The following CACNG7 variants were observed in gnomAD, a reference collection of about 807,000 sequenced individuals.
CACNG7 encodes voltage-dependent calcium channel gamma-7 subunit.
In CACNG7, 9 loss-of-function variants were observed where a neutral mutation model predicts 26.3. That is an observed-to-expected ratio of 0.34 (90% confidence interval 0.21 to 0.60). CACNG7 has a LOEUF of 0.60. CACNG7 is among the 20% of genes least tolerant of loss of function. The pLI is 0.81. For missense variants in CACNG7, 297 were observed against 380.4 expected, an observed-to-expected ratio of 0.78 and a Z score of 1.82; for synonymous variants, 170 against 157.0, an observed-to-expected ratio of 1.08 and a Z score of -0.62.
chr19:53,923,472 C>CT (rs2068984764), intron 4 of CACNG7, among the ~76,000 whole-genome samples: 1 of 135,582 alleles, frequency 7.4e-6, no homozygotes, highest in Non-Finnish European at 1.6e-5. Context: ...GGAGTTGTCC[C>CT]AGGTCTGGTC....
chr19:53,941,710 G>C, intron 5 of CACNG7, 95 bp downstream of exon 5: 1 of 1,412,364 alleles, frequency 7.1e-7, no homozygotes, highest in Non-Finnish European at 9.7e-7. Flanking sequence ...GGCTGGAGAT[G>C]CAGACTCTGG....
At chr19:53,920,125 T>C (rs1350345166) in intron 4 of CACNG7, among the ~76,000 whole-genome samples, 24 of 111,042 alleles carry the variant, frequency 2.2e-4, no homozygotes, top group Admixed American at 5.9e-4. Flanking sequence ...GGCCTGGTCA[T>C]TGGTGGACTT....
At chr19:53,935,111 G>A (rs1291879824) in intron 4 of CACNG7, among the ~76,000 whole-genome samples, 1 of 151,622 alleles carries the variant, frequency 6.6e-6, no homozygotes, top group African/African-American at 2.4e-5. Flanking sequence ...ATGCATATGT[G>A]TGCACAAAAA....
intron 4 of CACNG7, among the ~76,000 whole-genome samples, chr19:53,922,408 A>G (rs1242091045): frequency 3.1e-3 from 304 of 97,054 alleles, no homozygotes; most frequent in African/African-American, 0.014. Flanking sequence ...AGGCCTGGTC[A>G]TTGGTGGAGT....
At chr19:53,926,766 G>A (rs1328221177) in intron 4 of CACNG7, among the ~76,000 whole-genome samples, 1 of 151,808 alleles carries the variant, frequency 6.6e-6, no homozygotes, top group African/African-American at 2.4e-5. Context: ...TAGAAAAATT[G>A]ACTGGGCATG....
intron 4 of CACNG7, among the ~76,000 whole-genome samples, chr19:53,928,833 G>A (rs796740586): frequency 1.3e-5 from 2 of 152,202 alleles, no homozygotes; most frequent in South Asian, 2.1e-4. Context: ...CCTGAAGGCC[G>A]GGCACGGTAG....
At chr19:53,920,065 C>T (rs1470306022) in intron 4 of CACNG7, among the ~76,000 whole-genome samples, 2 of 115,474 alleles carry the variant, frequency 1.7e-5, no homozygotes. Flanking sequence ...TTGCCCCAGG[C>T]TGGTCATTGG....
At chr19:53,921,446 C>CCCCAGGTCTGGTATTGCTGGAGTTGT (rs1599976519) in intron 4 of CACNG7, among the ~76,000 whole-genome samples, 1 of 146,192 alleles carries the variant, frequency 6.8e-6, no homozygotes, top group Non-Finnish European at 1.5e-5. Context: ...GGTGGAGTTG[C>CCCCAGGTCTGGTATTGCTGGAGTTGT]CCCAGGTCTG....
chr19:53,925,961 A>G (rs1305954271), intron 4 of CACNG7, among the ~76,000 whole-genome samples: 1 of 152,184 alleles, frequency 6.6e-6, no homozygotes, highest in Non-Finnish European at 1.5e-5. Context: ...TCCAGGTCAT[A>G]AGAGGCATGT....
At chr19:53,916,299 C>G (rs1189320459) in intron 4 of CACNG7, among the ~76,000 whole-genome samples, 1 of 152,088 alleles carries the variant, frequency 6.6e-6, no homozygotes, top group African/African-American at 2.4e-5. Context: ...CTCCTAACAT[C>G]GCTACCCAGG....
At chr19:53,923,770 G>T (rs1403478491) in intron 4 of CACNG7, among the ~76,000 whole-genome samples, 3 of 131,612 alleles carry the variant, frequency 2.3e-5, no homozygotes, top group Non-Finnish European at 4.7e-5. Flanking sequence ...GTTGCCCCAG[G>T]TCTGGTCATT....
At chr19:53,921,404 G>A (rs548496384) in intron 4 of CACNG7, among the ~76,000 whole-genome samples, 76 of 145,944 alleles carry the variant, frequency 5.2e-4, no homozygotes, top group African/African-American at 1.9e-3. Context: ...CCCAGGTCTG[G>A]TCATTGGTGG....
chr19:53,926,655 G>A (rs1020070624), intron 4 of CACNG7, among the ~76,000 whole-genome samples: 6 of 152,156 alleles, frequency 3.9e-5, no homozygotes, highest in African/African-American at 1.2e-4. Context: ...GCTCATGCCT[G>A]TAAGCCCAGC....
chr19:53,941,348 AG>A, intron 4 of CACNG7, 121 bp from the exon 5 acceptor site: 1 of 1,129,726 alleles, frequency 8.9e-7, no homozygotes, highest in Non-Finnish European at 1.2e-6. Flanking sequence ...CCAGCATACA[AG>A]GGGCTTCAGG....
rs900966563 is a variant in CACNG7, at chr19:53,940,237, C to T, written c.425-1233C>T. Among the ~76,000 whole-genome samples, 5 of 152,068 alleles carry T rather than the reference C, an allele frequency of 3.3e-5. No homozygotes were observed. The highest frequency in any genetic ancestry group is 1.2e-4 in the African/African-American group (5 of 41,404). ...TTGGACCTCTCCTCTGCACACTGTCCGTATGCTCTATTTCCTCAATTGTAA... is the reference window on the plus strand; with the variant it reads ...TTGGACCTCTCCTCTGCACACTGTCTGTATGCTCTATTTCCTCAATTGTAA... On this transcript the variant is annotated intron_variant, in intron 4 of 5. Coordinates refer to ENST00000391767, the MANE Select transcript of CACNG7 (RefSeq NM_031896.5). This position sits in a 1 kb window ranked among gnomAD's most constrained non-coding sequence, Gnocchi z 4.1.
intron 4 of CACNG7, among the ~76,000 whole-genome samples, chr19:53,926,834 A>G (rs1474021318): frequency 6.6e-6 from 1 of 152,136 alleles, no homozygotes; most frequent in Non-Finnish European, 1.5e-5. Context: ...AATCACTTGA[A>G]CCTGGAAGGT....
chr19:53,909,439 G>T lies in CACNG7; in HGVS notation c.-108G>T. The T allele has an allele frequency of 6.7e-6, 1 of 149,798 alleles. No individual in the cohort carries two copies. The highest frequency in any genetic ancestry group is 1.8e-4 in the South Asian group (1 of 5,618). 9.3% of individuals were successfully genotyped at this position (149,798 alleles called of 1,614,324 possible). On this transcript the variant is annotated 5_prime_UTR_variant, in exon 1 of 6. Transcript: ENST00000391767. The surrounding 1 kb of genome is among the most constrained non-coding windows in gnomAD (Gnocchi z 5.1). ...CACCGGCGACCCCGGTGGCGGCGGCGGCGGCCGGGGGAAGCCTCGGGGCCG... is the reference window on the plus strand; with the variant it reads ...CACCGGCGACCCCGGTGGCGGCGGCTGCGGCCGGGGGAAGCCTCGGGGCCG...
At chr19:53,923,135 TG>T (rs2068978918) in intron 4 of CACNG7, among the ~76,000 whole-genome samples, 1 of 118,650 alleles carries the variant, frequency 8.4e-6, no homozygotes, top group African/African-American at 3.8e-5. Flanking sequence ...GTCTGGTCAT[TG>T]GTGGAGTTGC....
At chr19:53,926,368 C>A (rs1046213427) in intron 4 of CACNG7, among the ~76,000 whole-genome samples, 7 of 151,920 alleles carry the variant, frequency 4.6e-5, no homozygotes, top group Non-Finnish European at 1.0e-4. Flanking sequence ...ACAGCCTCAC[C>A]TCAGGACTTC....
Sources: gnomAD v4.1 joint callset for allele counts (sites outside exome capture counted in the v4.1 genomes callset) on GRCh38, gnomAD v4.1.1 for gene constraint, Gnocchi (gnomAD v3.1) non-coding constraint, MANE v1.5 for transcripts, NCBI Gene and HGNC (gene_info 2026-07-23, HGNC 2026-07-21) for gene names.